The following FBXO17 variants were observed in gnomAD, a reference collection of about 807,000 sequenced individuals.
FBXO17 encodes F-box protein 17.
A neutral mutation model predicts 34.1 loss-of-function variants in FBXO17; 43 were observed. That is an observed-to-expected ratio of 1.26 (90% CI 0.99 to 1.62). The LOEUF is 1.62. Among genes scored for constraint, FBXO17 ranks in the 40% most tolerant of loss-of-function variants. FBXO17 has a pLI of 0.00. For missense variants in FBXO17, 424 were observed against 386.7 expected (o/e 1.10, Z -0.81); for synonymous variants, 169 against 166.0 (o/e 1.02, Z -0.14).
rs753693068 is a variant in FBXO17, at chr19:38,950,070, T to C, written c.250A>G (p.Ser84Gly). 1 of 1,569,124 alleles carries C rather than the reference T, an allele frequency of 6.4e-7. No individual in the cohort carries two copies. Among genetic ancestry groups the C allele is most frequent in the South Asian group, 1.2e-5 (1 of 85,582 alleles). ...GGGAACTCCTCCTTGTCTTCGTTGC[T>C]GGGCAGGCAGCGTTGAGCCACTGCG... is the stretch of plus-strand genomic sequence containing the variant. ...LYAVAQRCLP[S>G]NEDKEEFPLC... is the part of the protein sequence containing the mutation. Residue 84 changes from serine (S) to glycine (G), a missense_variant, in exon 2 of 6, where the codon AGC becomes GGC. By Grantham distance (56) the Ser-to-Gly change is moderately conservative (BLOSUM62 0). Coordinates refer to ENST00000292852, the MANE Select transcript of FBXO17 (RefSeq NM_024907.7).
chr19:38,948,169 T>C (rs1442914394), intron 3 of FBXO17, among the ~76,000 whole-genome samples: 1 of 151,642 alleles, frequency 6.6e-6, no homozygotes, highest in Non-Finnish European at 1.5e-5. Flanking sequence ...AGAGACGGGG[T>C]TTCCCCCTGT....
intron 1 of FBXO17, among the ~76,000 whole-genome samples, chr19:38,971,218 T>C (rs964566736): frequency 6.6e-6 from 1 of 151,940 alleles, no homozygotes; most frequent in Non-Finnish European, 1.5e-5. Context: ...GGAAATTTCA[T>C]GAGATCAGGG....
intron 2 of FBXO17, 65 bp from the exon 3 acceptor site, chr19:38,948,743 C>T: frequency 1.4e-6 from 2 of 1,429,284 alleles, no homozygotes; most frequent in East Asian, 2.3e-5. Flanking sequence ...GACCCCGCAA[C>T]CAGCCAGCTT....
chr19:38,974,951 C>T (rs953540879), intron 1 of FBXO17, among the ~76,000 whole-genome samples: 9 of 152,164 alleles, frequency 5.9e-5, no homozygotes, highest in African/African-American at 1.2e-4. Context: ...TACAACTAGA[C>T]TCCCATAATA....
chr19:38,942,883 A>G, intron 5 of FBXO17, 132 bp from the exon 6 acceptor site: 1 of 1,149,472 alleles, frequency 8.7e-7, no homozygotes, highest in African/African-American at 1.6e-5. Context: ...GCAGTGAATA[A>G]AACCGGAAAA....
chr19:38,974,606 T>C (rs565878257), intron 1 of FBXO17, among the ~76,000 whole-genome samples: 26 of 152,284 alleles, frequency 1.7e-4, no homozygotes, highest in Non-Finnish European at 2.9e-4. Context: ...TCTCCTATTT[T>C]TAGCAAGGGA....
At chr19:38,969,840 C>T (rs975211898) in intron 1 of FBXO17, among the ~76,000 whole-genome samples, 1 of 151,774 alleles carries the variant, frequency 6.6e-6, no homozygotes, top group Non-Finnish European at 1.5e-5. Flanking sequence ...TCAAGTGATC[C>T]TCCTGCCTTG....
At chr19:38,953,799 G>A (rs1012194776) in intron 1 of FBXO17, among the ~76,000 whole-genome samples, 1 of 152,146 alleles carries the variant, frequency 6.6e-6, no homozygotes, top group Non-Finnish European at 1.5e-5. Flanking sequence ...AACCAGGGAC[G>A]GTGGCTGGAA....
At chr19:38,952,484 T>A in intron 1 of FBXO17, 1 of 529,000 alleles carries the variant, frequency 1.9e-6, no homozygotes. Context: ...GCCTTCCAAG[T>A]GGGGAGGTCT....
chr19:38,946,453 G>T lies in FBXO17; in HGVS notation c.557+19C>A. ...CAAGCCTGCTGCTGCTCTGGGGCAG[G>T]GTGCCGCTCCTCACTCACCAGTCAG... is the stretch of plus-strand genomic sequence containing the variant. On this transcript the variant is annotated intron_variant, in intron 4 of 5. Transcript: ENST00000292852. The T allele has an allele frequency of 6.2e-7, 1 of 1,613,720 alleles. No individual in the cohort carries two copies. The highest frequency in any genetic ancestry group is 1.1e-5 in the South Asian group (1 of 91,044).
At chr19:38,944,896 A>G in intron 5 of FBXO17, 73 bp downstream of exon 5, 1 of 1,580,364 alleles carries the variant, frequency 6.3e-7, no homozygotes, top group East Asian at 2.2e-5. Flanking sequence ...CAGAAGGGAA[A>G]CCGAGCAGAC....
chr19:38,975,321 T>C lies in FBXO17; in HGVS notation c.-18+265A>G, dbSNP rs945761462. Among the ~76,000 whole-genome samples, 1 of 152,226 alleles carries C rather than the reference T, an allele frequency of 6.6e-6. No individual in the cohort carries two copies. The highest frequency in any genetic ancestry group is 2.4e-5 in the African/African-American group (1 of 41,462). On this transcript the variant is annotated intron_variant, in intron 1 of 5. Transcript: ENST00000292852. This position sits in a 1 kb window ranked among gnomAD's most constrained non-coding sequence, Gnocchi z 4.9. Reference sequence around the variant, plus strand: ...GGACGAGCGCAGGGATGGAGAGGCCTGGGCGTTCGAACACCCACGTTCAAA... The same window carrying C: ...GGACGAGCGCAGGGATGGAGAGGCCCGGGCGTTCGAACACCCACGTTCAAA...
intron 1 of FBXO17, among the ~76,000 whole-genome samples, chr19:38,958,628 T>A (rs1975202582): frequency 6.6e-6 from 1 of 151,382 alleles, no homozygotes; most frequent in Non-Finnish European, 1.5e-5. Context: ...TTTGGGAGAG[T>A]GTGTGTTTGG....
intron 1 of FBXO17, among the ~76,000 whole-genome samples, chr19:38,971,151 A>G (rs1033481791): frequency 2.6e-5 from 4 of 151,726 alleles, no homozygotes; most frequent in African/African-American, 7.3e-5. Flanking sequence ...TCTGGCCCCA[A>G]GAGCTTTGGA....
intron 1 of FBXO17, among the ~76,000 whole-genome samples, chr19:38,964,974 G>A (rs1975300890): frequency 1.3e-5 from 2 of 152,002 alleles, no homozygotes; most frequent in African/African-American, 4.8e-5. Flanking sequence ...AGAGGCCAGT[G>A]GGAAAGGACT....
intron 5 of FBXO17, chr19:38,944,607 G>T: frequency 4.9e-6 from 1 of 202,598 alleles, no homozygotes; most frequent in Non-Finnish European, 1.0e-5. Flanking sequence ...TGCCAGATTG[G>T]GCTTGAGTCC....
intron 1 of FBXO17, chr19:38,952,892 GAT>G (rs1230813801): frequency 2.2e-6 from 1 of 455,360 alleles, no homozygotes; most frequent in African/African-American, 2.0e-5. Context: ...CCACTCGCAT[GAT>G]CCTTCCAACC....
In FBXO17 at chr19:38,952,372, G is replaced by A. The variant is rs559434364; in HGVS notation, c.-17-2036C>T. On this transcript the variant is annotated intron_variant, in intron 1 of 5. Transcript: ENST00000292852. The stretch of plus-strand genomic sequence containing the variant: ...TGTGTGCCAGCTACTGTGACCTTTG[G>A]AACCCATGACCCATCTTCAACAAAA... Among the ~76,000 whole-genome samples the A allele has an allele frequency of 1.6e-4, 25 of 152,266 alleles. No individual in the cohort carries two copies. In the South Asian group the frequency reaches 5.0e-3, roughly 30 times the overall value.
chr19:38,948,513 C>T (rs1482625375), intron 3 of FBXO17, 54 bp downstream of exon 3: 1 of 1,465,032 alleles, frequency 6.8e-7, no homozygotes, highest in African/African-American at 1.4e-5. Context: ...GGTAGGGTCC[C>T]TTTCTTTGGG....
Sources: allele counts gnomAD v4.1 joint callset (sites outside exome capture counted in the v4.1 genomes callset), GRCh38; gene constraint gnomAD v4.1.1; non-coding constraint Gnocchi (gnomAD v3.1); transcripts MANE v1.5; gene names NCBI Gene and HGNC (gene_info 2026-07-23, HGNC 2026-07-21).